Variants in CYB561A3 observed in about 807,000 individuals in gnomAD.
CYB561A3 encodes the protein cytochrome b561 family member A3.
CYB561A3 carries 16 observed loss-of-function variants against 25.3 expected under a neutral mutation model. The ratio of observed to expected loss-of-function variants is 0.63; its 90% CI spans 0.43 to 0.96. The LOEUF (loss-of-function observed/expected upper bound fraction) is 0.96. CYB561A3 is among the 40% of genes least tolerant of loss of function. The pLI is 0.00. For missense variants in CYB561A3, 219 were observed against 307.5 expected (o/e 0.71, Z 2.15); for synonymous variants, 131 against 129.9 (o/e 1.01, Z -0.06).
rs1489032295 is a variant in CYB561A3, at chr11:61,349,208, G to GCAA, written c.*1188_*1190dup. The stretch of plus-strand genomic sequence containing the variant: ...ACCCTATTTCCTCCCCTGAAGAAGA[G>GCAA]CAACAGCTCAAGCTCTAGCATGGCA... On this transcript the variant is annotated 3_prime_UTR_variant, in exon 7 of 7. Transcript: ENST00000294072. 2 of 264,038 alleles carry GCAA rather than the reference G, an allele frequency of 7.6e-6. No homozygotes were observed. Among genetic ancestry groups the GCAA allele is most frequent in the East Asian group, 1.5e-4 (2 of 13,016 alleles). The allele number at this position is 264,038 out of a possible 1,614,324, so 16.4% of individuals were successfully genotyped here.
intron 5 of CYB561A3, 22 bp downstream of exon 5, chr11:61,352,963 T>G: frequency 6.2e-7 from 1 of 1,614,016 alleles, no homozygotes; most frequent in South Asian, 1.1e-5. Context: ...CACCTTAGAG[T>G]TGGGGACCCC....
At position 61,353,870 on chromosome 11, in the gene CYB561A3, TA is replaced by T; in HGVS notation, c.306del (p.Phe102LeufsTer51). ...GCAGTCCTTCCATGGTTGTGAAACG[TA>T]AAGACAGCAACCAGCCCCACAACAG... ...VLTVVGLVAV[F>X]TFHNHGRTAN... On this transcript the variant is annotated frameshift_variant, in exon 4 of 7. Transcript: ENST00000294072. LOFTEE classifies it high-confidence loss of function. 1 of 1,614,082 alleles carries T rather than the reference TA, an allele frequency of 6.2e-7. No homozygotes were observed. Among genetic ancestry groups the T allele is most frequent in the Non-Finnish European group, 8.5e-7 (1 of 1,180,018 alleles).
rs1023456157 is a variant in CYB561A3 at position 61,350,390 on chromosome 11, C to A, written c.*9G>T. The A allele has an allele frequency of 6.2e-7, 1 of 1,608,858 alleles. No individual in the cohort carries two copies. Among genetic ancestry groups the A allele is most frequent in the Non-Finnish European group, 8.5e-7 (1 of 1,178,098 alleles). The stretch of plus-strand genomic sequence containing the variant: ...CACCAGGAGCTCTTGGGAGCCCCTT[C>A]CTGCTGCTTCACTCCCCATCATGCA... On this transcript the variant is annotated 3_prime_UTR_variant, in exon 7 of 7. Transcript: ENST00000294072.
chr11:61,353,705 T>C, intron 4 of CYB561A3, 79 bp downstream of exon 4: 1 of 1,419,714 alleles, frequency 7.0e-7, no homozygotes, highest in South Asian at 1.2e-5. Context: ...CAGAGGAATA[T>C]TTGGTGCTCA....
Position 61,353,101 on chromosome 11 carries a change from C to T in CYB561A3, c.432G>A (p.Ala144=), listed in dbSNP as rs550323763. ...TTAGGAGGCTGCGCAGCCACATGGA[C>T]GCCCAGGGCAGGAGGAAGACAGCAA... ...LGFAVFLLPW[A]SMWLRSLLKP... is the part of the protein sequence containing the mutation. Residue 144 remains alanine, a synonymous_variant, in exon 5 of 7, where the codon GCG becomes GCA. Coordinates refer to ENST00000294072, the MANE Select transcript of CYB561A3 (RefSeq NM_153611.6). 7.5e-5 allele frequency: 121 copies of T among 1,613,116 alleles called. No individual in the cohort carries two copies. The highest frequency in any genetic ancestry group is 6.9e-4 in the South Asian group (63 of 90,976).
At chr11:61,353,690 G>A in intron 4 of CYB561A3, 94 bp downstream of exon 4, 1 of 1,306,650 alleles carries the variant, frequency 7.7e-7, no homozygotes, top group Non-Finnish European at 1.1e-6. Context: ...TCTCCAAGCA[G>A]TGAGCAGAGG....
At chr11:61,354,300 T>C (rs1286153773) in intron 3 of CYB561A3, 1 of 404,076 alleles carries the variant, frequency 2.5e-6, no homozygotes, top group African/African-American at 2.0e-5. Context: ...GAGGTTACAG[T>C]GAGCTATGAT....
At chr11:61,361,557 G>A (rs1251566339) in intron 1 of CYB561A3, among the ~76,000 whole-genome samples, 176 bp downstream of exon 1, 2 of 152,270 alleles carry the variant, frequency 1.3e-5, no homozygotes, top group African/African-American at 4.8e-5. Context: ...CCTCTGAAGA[G>A]CTTTCGTGCC....
At chr11:61,350,923 C>A in intron 6 of CYB561A3, 68 bp downstream of exon 6, 1 of 1,531,392 alleles carries the variant, frequency 6.5e-7, no homozygotes, top group Non-Finnish European at 8.8e-7. Flanking sequence ...AGGCCCCAGC[C>A]TTTCGTGGGA....
intron 2 of CYB561A3, chr11:61,357,233 C>T: frequency 6.4e-7 from 1 of 1,551,330 alleles, no homozygotes; most frequent in Non-Finnish European, 8.7e-7. Flanking sequence ...AAAAGTTCTT[C>T]CCCATAGAGT....
rs1857324125 is a variant in CYB561A3, at chr11:61,350,041, T to C, written c.*358A>G. 2.0e-6 allele frequency: 1 copy of C among 498,808 alleles called. No individual in the cohort carries two copies. The highest frequency in any genetic ancestry group is 3.6e-6 in the Non-Finnish European group (1 of 274,624). The allele number at this position is 498,808 out of a possible 1,614,324, so 30.9% of individuals were successfully genotyped here. On this transcript the variant is annotated 3_prime_UTR_variant, in exon 7 of 7. Coordinates refer to ENST00000294072, the MANE Select transcript of CYB561A3 (RefSeq NM_153611.6). ...CAGAGCGAGGAGGACCTCGTGTGAA[T>C]GGAGGACCTGAGAGGCTGACGCCAA...
At chr11:61,351,225 A>G in intron 5 of CYB561A3, 78 bp from the exon 6 acceptor site, 1 of 1,466,420 alleles carries the variant, frequency 6.8e-7, no homozygotes, top group Non-Finnish European at 9.1e-7. Flanking sequence ...CGATGTCACT[A>G]ACAGAGGGTG....
chr11:61,358,758 T>G (rs1857737527), intron 1 of CYB561A3: 1 of 151,970 alleles, frequency 6.6e-6, no homozygotes, highest in Non-Finnish European at 1.5e-5. Flanking sequence ...GAATTCTTAG[T>G]CATTGCTGTC....
At chr11:61,358,196 A>G (rs1857712469) in intron 1 of CYB561A3, 1 of 152,172 alleles carries the variant, frequency 6.6e-6, no homozygotes, top group African/African-American at 2.4e-5. Flanking sequence ...CAGGTGGATC[A>G]CCTGAGGTCA....
At chr11:61,362,216 G>A (rs889833143), upstream of CYB561A3, 1 of 152,302 alleles carries the variant, frequency 6.6e-6, no homozygotes, top group African/African-American at 2.4e-5. Flanking sequence ...GGCGACGCTG[G>A]GAGGGCCCGG....
rs1857666352 is a variant in CYB561A3, at chr11:61,356,672, C to G, written c.42G>C (p.Gly14=). ...GRFYLSCLLL[G]SLGSMCILFT... The stretch of plus-strand genomic sequence containing the variant: ...AGAGGATGCACATAGAGCCCAGGGA[C>G]CCCAGCAGCAGGCAGGACAAGTAGA... Residue 14 remains glycine (G), a synonymous_variant, in exon 3 of 7, where the codon GGG becomes GGC. Transcript: ENST00000294072. 6.2e-7 allele frequency: 1 copy of G among 1,614,174 alleles called. No individual in the cohort carries two copies. The highest frequency in any genetic ancestry group is 1.3e-5 in the African/African-American group (1 of 75,042).
chr11:61,350,743 G>GA (rs1354182494), intron 6 of CYB561A3: 1 of 603,444 alleles, frequency 1.7e-6, no homozygotes, highest in Non-Finnish European at 2.8e-6. Context: ...TCACCCCACA[G>GA]AACCACAGTG....
At chr11:61,361,031 T>C (rs1288964212) in intron 1 of CYB561A3, 1 of 151,634 alleles carries the variant, frequency 6.6e-6, no homozygotes, top group South Asian at 2.1e-4. Flanking sequence ...ACTCTTGCAG[T>C]GTTACTTTTA....
chr11:61,353,264 T>C, intron 4 of CYB561A3, 125 bp from the exon 5 acceptor site: 1 of 1,248,690 alleles, frequency 8.0e-7, no homozygotes. Context: ...CCTTCCCACC[T>C]GGCATTGCCC....
Sources: allele counts gnomAD v4.1 joint callset (sites outside exome capture counted in the v4.1 genomes callset), GRCh38; gene constraint gnomAD v4.1.1; transcripts MANE v1.5; gene names NCBI Gene and HGNC (gene_info 2026-07-23, HGNC 2026-07-21).